SKA3: variants seen among roughly 807,000 people sequenced by gnomAD.
SKA3 encodes spindle and kinetochore-associated protein 3.
SKA3 carries 39 observed loss-of-function variants against 44.2 expected under a neutral mutation model. The ratio of observed to expected loss-of-function variants is 0.88; its 90% CI spans 0.68 to 1.15. The LOEUF is 1.15. SKA3 is among the 50% of genes most tolerant of loss of function. The probability of loss-of-function intolerance (pLI) is 0.00; values close to 1 mark genes in which losing one functional copy is unlikely to be tolerated. For missense variants in SKA3, 511 were observed against 485.8 expected (o/e 1.05, Z -0.49); for synonymous variants, 192 against 172.0 (o/e 1.12, Z -0.91).
chr13:21,160,191 G>C (rs926934411), intron 5 of SKA3, among the ~76,000 whole-genome samples: 3 of 151,906 alleles, frequency 2.0e-5, no homozygotes, highest in African/African-American at 7.2e-5. Context: ...CATATAATTT[G>C]AAAAAAGATA....
In SKA3 at chr13:21,153,682, G is replaced by T. The variant is rs1408988248; in HGVS notation, c.*1468C>A. 1 of 151,326 alleles carries T rather than the reference G, an allele frequency of 6.6e-6. No homozygotes were observed. Among genetic ancestry groups the T allele is most frequent in the African/African-American group, 2.4e-5 (1 of 41,330 alleles). The allele number at this position is 151,326 out of a possible 1,614,324, so 9.4% of individuals were successfully genotyped here. On this transcript the variant is annotated 3_prime_UTR_variant, in exon 9 of 9. Coordinates refer to ENST00000314759, the MANE Select transcript of SKA3 (RefSeq NM_145061.6). Reference sequence around the variant, plus strand: ...TGAAATACTTTCTTCCTACTTCACTGGCCTCAGTCTCCTTTGCTAGATTAC... The same window carrying T: ...TGAAATACTTTCTTCCTACTTCACTTGCCTCAGTCTCCTTTGCTAGATTAC...
At chr13:21,175,698 T>G (rs1871461860) in intron 1 of SKA3, among the ~76,000 whole-genome samples, 1 of 152,232 alleles carries the variant, frequency 6.6e-6, no homozygotes, top group Non-Finnish European at 1.5e-5. Flanking sequence ...TTCCAAAATC[T>G]GAACTACTTT....
Position 21,158,113 on chromosome 13 carries a change from A to G in SKA3, c.928T>C (p.Tyr310His), listed in dbSNP as rs752414983. 104 of 1,594,610 alleles carry G rather than the reference A, an allele frequency of 6.5e-5. No homozygotes were observed. Among genetic ancestry groups the G allele is most frequent in the Non-Finnish European group, 8.7e-5 (101 of 1,162,578 alleles). ...KNSIALVSTN[Y>H]PLSKTNSSSN... ...GAACTATTTGTTTTTGATAATGGGT[A>G]ATTTGTGGATACCTATTGAATAAAA... The change falls in exon 7 of 9, where the codon TAC becomes CAC. Residue 310 changes from tyrosine to histidine, a missense_variant. By Grantham distance (83) the Tyr-to-His change is moderately conservative. Transcript: ENST00000314759.
rs182661036 is a variant in SKA3, at chr13:21,172,579, C to A, written c.165+41G>T. 7 of 1,389,834 alleles carry A rather than the reference C, an allele frequency of 5.0e-6. No homozygotes were observed. In the South Asian group the frequency reaches 1.1e-4, roughly 22 times the overall value. The allele number at this position is 1,389,834 out of a possible 1,614,324, so 86.1% of individuals were successfully genotyped here. ...ATCTATTTAGGATAAAAAAATTACT[C>A]GCCACAGAAAAATAATAAATCAATA... is the stretch of plus-strand genomic sequence containing the variant. On this transcript the variant is annotated intron_variant, in intron 2 of 8. Coordinates refer to ENST00000314759, the MANE Select transcript of SKA3 (RefSeq NM_145061.6).
At chr13:21,158,322 T>C (rs9509573) in intron 6 of SKA3, among the ~76,000 whole-genome samples, 197 bp from the exon 7 acceptor site, 17,669 of 152,170 alleles carry the variant, frequency 0.12, 1,079 homozygotes, top group Middle Eastern at 0.22. Flanking sequence ...TAATAAAGGC[T>C]GAGTTAAAGC....
intron 7 of SKA3, among the ~76,000 whole-genome samples, chr13:21,156,192 A>AG (rs1355862295): frequency 6.6e-6 from 1 of 151,788 alleles, no homozygotes; most frequent in Non-Finnish European, 1.5e-5. Flanking sequence ...GTCTAAAAAA[A>AG]AAAAAAAAAA....
chr13:21,170,396 T>C (rs1595304993), intron 3 of SKA3, among the ~76,000 whole-genome samples: 1 of 152,122 alleles, frequency 6.6e-6, no homozygotes, highest in Non-Finnish European at 1.5e-5. Context: ...GCTAGGCTGG[T>C]CTCGAACTCC....
intron 3 of SKA3, among the ~76,000 whole-genome samples, chr13:21,169,236 T>A (rs957272138): frequency 6.6e-5 from 10 of 151,994 alleles, no homozygotes; most frequent in Admixed American, 3.3e-4. Flanking sequence ...GTTCCTTTTT[T>A]TTTTTATTTT....
At chr13:21,171,717 T>C (rs1348690862) in intron 3 of SKA3, among the ~76,000 whole-genome samples, 2 of 152,168 alleles carry the variant, frequency 1.3e-5, no homozygotes, top group African/African-American at 2.4e-5. Context: ...TCTCATGAGA[T>C]AGATATACTA....
intron 1 of SKA3, 156 bp downstream of exon 1, chr13:21,176,219 G>T: frequency 1.7e-6 from 1 of 592,778 alleles, no homozygotes; most frequent in South Asian, 2.2e-5. Context: ...GCCAAACGCC[G>T]AGCAGTGAGA....
At chr13:21,163,333 A>T (rs1870538114) in intron 4 of SKA3, among the ~76,000 whole-genome samples, 1 of 152,188 alleles carries the variant, frequency 6.6e-6, no homozygotes, top group Non-Finnish European at 1.5e-5. Context: ...TGGTACTTTA[A>T]CTACTTGTGT....
At chr13:21,173,265 T>A (rs1047610539) in intron 1 of SKA3, among the ~76,000 whole-genome samples, 9 of 152,164 alleles carry the variant, frequency 5.9e-5, no homozygotes, top group African/African-American at 2.2e-4. Context: ...GATTTCTTTT[T>A]CTTTTTTTGA....
rs75972147 is a variant in SKA3, at chr13:21,176,490, G to T, written c.-13C>A. 4,423 of 1,508,446 alleles carry T rather than the reference G, an allele frequency of 2.9e-3. 114 individuals are homozygous for T. The African/African-American group carries it at 0.055, about 19-fold the overall frequency. The allele number at this position is 1,508,446 out of a possible 1,614,324, so 93.4% of individuals were successfully genotyped here. A position where few individuals can be genotyped will look rare whatever the true frequency, so the allele number is the denominator to read the frequency against. ...GGATAGGGTCCATGCTGAGCACAGC[G>T]GGGAAGGACTCCAGGCGTACGCAGA... On this transcript the variant is annotated 5_prime_UTR_variant, in exon 1 of 9. Coordinates refer to ENST00000314759, the MANE Select transcript of SKA3 (RefSeq NM_145061.6).
chr13:21,168,289 T>C lies in SKA3; in HGVS notation c.442A>G (p.Ile148Val). The C allele has an allele frequency of 6.2e-7, 1 of 1,614,152 alleles. No individual in the cohort carries two copies. Among genetic ancestry groups the C allele is most frequent in the Non-Finnish European group, 8.5e-7 (1 of 1,180,032 alleles). Residue 148 changes from isoleucine to valine, a missense_variant, in exon 4 of 9, where the codon ATT becomes GTT. Ile to Val is a conservative substitution (Grantham distance 29). Coordinates refer to ENST00000314759, the MANE Select transcript of SKA3 (RefSeq NM_145061.6). Reference sequence around the variant, plus strand: ...GGACTACGTGGAGACTTCTCAGAAATACAACTGCTTGCAACAGGAGGATCA... The same window carrying C: ...GGACTACGTGGAGACTTCTCAGAAACACAACTGCTTGCAACAGGAGGATCA... The part of the protein sequence containing the change: ...LSDPPVASSC[I>V]SEKSPRSPQL...
At chr13:21,166,057 A>G (rs1204988162) in intron 4 of SKA3, among the ~76,000 whole-genome samples, 1 of 150,560 alleles carries the variant, frequency 6.6e-6, no homozygotes, top group Non-Finnish European at 1.5e-5. Flanking sequence ...TGCTCTTGTT[A>G]TCTAGGCTGG....
chr13:21,155,772 C>T lies in SKA3; in HGVS notation c.1159G>A (p.Ala387Thr). 2 of 1,604,030 alleles carry T rather than the reference C, an allele frequency of 1.2e-6. No homozygotes were observed. The highest frequency in any genetic ancestry group is 2.7e-5 in the African/African-American group (2 of 73,138). The change falls in exon 8 of 9, where the codon GCA becomes ACA. Residue 387 changes from alanine to threonine, a missense_variant. Coordinates refer to ENST00000314759, the MANE Select transcript of SKA3 (RefSeq NM_145061.6). ...KYNSNLATPI[A>T]IKAVPPSKRF... ...TTACTGGGTGGCACTGCTTTAATTGCTATTGGAGTAGCTAGGTTTGAGTTG... is the reference window on the plus strand; with the variant it reads ...TTACTGGGTGGCACTGCTTTAATTGTTATTGGAGTAGCTAGGTTTGAGTTG...
chr13:21,165,951 T>C (rs993309029), intron 4 of SKA3, among the ~76,000 whole-genome samples: 3 of 151,640 alleles, frequency 2.0e-5, no homozygotes, highest in Non-Finnish European at 4.4e-5. Context: ...TAACATGACA[T>C]GACATAACAT....
chr13:21,167,488 C>T (rs1418564068), intron 4 of SKA3, among the ~76,000 whole-genome samples: 7 of 152,032 alleles, frequency 4.6e-5, no homozygotes, highest in African/African-American at 9.7e-5. Context: ...ACTTATTGGC[C>T]GGGCGCGGTG....
chr13:21,172,498 C>T lies in SKA3; in HGVS notation c.172G>A (p.Val58Ile), dbSNP rs11546983. ...HSEVQTLKDD[V>I]NILLDKARLE... ...CTTGCTTTATCAAGAAGAATATTAA[C>T]ATCATCCTTTTATGAATAAAGAAAG... is the stretch of plus-strand genomic sequence containing the variant. The change falls in exon 3 of 9, where the codon GTT becomes ATT. Residue 58 changes from valine (V) to isoleucine (I), a missense_variant. Transcript: ENST00000314759. The T allele has an allele frequency of 0.035, 54,831 of 1,570,400 alleles. 929 individuals carry two copies. Among genetic ancestry groups the T allele is most frequent in the Non-Finnish European group, 0.042 (48,364 of 1,158,284 alleles).
Sources: gnomAD v4.1 joint callset for allele counts (sites outside exome capture counted in the v4.1 genomes callset) on GRCh38, gnomAD v4.1.1 for gene constraint, MANE v1.5 for transcripts, NCBI Gene and HGNC (gene_info 2026-07-23, HGNC 2026-07-21) for gene names.